Variants in FBLN5 observed in about 807,000 individuals in gnomAD.
The protein encoded by FBLN5 is fibulin 5, also known as fibulin-5.
Under a neutral mutation model 61.6 loss-of-function variants are expected in FBLN5, and 24 were observed. That is an observed-to-expected ratio of 0.39 (90% CI 0.28 to 0.55). FBLN5 has a LOEUF of 0.55. FBLN5 is among the 20% of genes least tolerant of loss of function. The pLI, the probability that FBLN5 is intolerant of heterozygous loss-of-function variation, is 0.65. For missense variants in FBLN5, 470 were observed against 594.1 expected, an observed-to-expected ratio of 0.79 and a Z score of 2.17; for synonymous variants, 213 against 219.8, an observed-to-expected ratio of 0.97 and a Z score of 0.27.
intron 4 of FBLN5, among the ~76,000 whole-genome samples, chr14:91,912,811 A>AAG (rs1321916803): frequency 7.9e-6 from 1 of 126,116 alleles, no homozygotes; most frequent in Non-Finnish European, 1.9e-5. Context: ...CTCTGACTCA[A>AAG]AAAAAAAAAA....
At chr14:91,902,648 T>C (rs749479430) in intron 4 of FBLN5, among the ~76,000 whole-genome samples, 14 of 152,126 alleles carry the variant, frequency 9.2e-5, no homozygotes, top group South Asian at 4.1e-4. Context: ...TTCTAATTCA[T>C]TGGGTTCTAC....
intron 8 of FBLN5, 73 bp from the exon 9 acceptor site, chr14:91,881,491 G>C (rs1889466896): frequency 2.6e-6 from 4 of 1,551,742 alleles, no homozygotes; most frequent in Admixed American, 3.3e-5. Flanking sequence ...GGTGGGGTAG[G>C]CTGGATCTTA....
At chr14:91,944,063 C>T (rs1181568572) in intron 1 of FBLN5, among the ~76,000 whole-genome samples, 2 of 152,140 alleles carry the variant, frequency 1.3e-5, no homozygotes, top group Non-Finnish European at 2.9e-5. Context: ...GGTGTGGTGG[C>T]TCATGCCTGT....
chr14:91,884,811 G>C (rs1249579631), intron 7 of FBLN5, among the ~76,000 whole-genome samples: 1 of 152,246 alleles, frequency 6.6e-6, no homozygotes, highest in Non-Finnish European at 1.5e-5. Flanking sequence ...CACTGGGCAG[G>C]GAGGGGCTGT....
intron 10 of FBLN5, chr14:91,873,504 TGGGTCTTGACTTGACTTGA>T (rs1889031722): frequency 6.6e-6 from 1 of 152,574 alleles, no homozygotes; most frequent in East Asian, 1.9e-4. Flanking sequence ...CACCATCCCA[TGGGTCTTGACTTGACTTGA>T]GAATCGCCAC....
chr14:91,942,779 GC>G, intron 2 of FBLN5, 127 bp downstream of exon 2: 1 of 693,080 alleles, frequency 1.4e-6, no homozygotes, highest in South Asian at 1.5e-5. Flanking sequence ...AGAATGAAGA[GC>G]TCAGATGAGG....
chr14:91,872,211 A>G (rs1176495407), intron 10 of FBLN5, among the ~76,000 whole-genome samples: 1 of 152,162 alleles, frequency 6.6e-6, no homozygotes, highest in African/African-American at 2.4e-5. Flanking sequence ...CTTGGGCAGA[A>G]CCAAGGGCTT....
At chr14:91,883,279 C>T (rs1016280409) in intron 7 of FBLN5, among the ~76,000 whole-genome samples, 2 of 152,232 alleles carry the variant, frequency 1.3e-5, no homozygotes, top group Admixed American at 6.5e-5. Flanking sequence ...TTGTACAGCT[C>T]TAATTGTCAG....
intron 10 of FBLN5, among the ~76,000 whole-genome samples, chr14:91,875,877 A>C (rs1160885683): frequency 6.6e-6 from 1 of 152,204 alleles, no homozygotes; most frequent in Non-Finnish European, 1.5e-5. Flanking sequence ...GAGACAATCC[A>C]ATAGAAATGG....
At chr14:91,877,364 C>A (rs1047189137) in intron 10 of FBLN5, 123 bp downstream of exon 10, 2 of 824,514 alleles carry the variant, frequency 2.4e-6, no homozygotes, top group African/African-American at 3.4e-5. Flanking sequence ...ACACCCTCCA[C>A]TCTTCTCTCT....
chr14:91,926,387 G>T (rs1421095727), intron 4 of FBLN5, among the ~76,000 whole-genome samples: 1 of 152,182 alleles, frequency 6.6e-6, no homozygotes, highest in Admixed American at 6.5e-5. Flanking sequence ...AGCCTGCCAG[G>T]CCTGGGCACC....
At chr14:91,929,113 A>C (rs143585832) in intron 4 of FBLN5, among the ~76,000 whole-genome samples, 2,316 of 136,812 alleles carry the variant, frequency 0.017, 59 homozygotes, top group South Asian at 0.088. Context: ...ACACACACAC[A>C]CCCCACACAC....
chr14:91,910,918 C>T (rs576319009), intron 4 of FBLN5, among the ~76,000 whole-genome samples: 2 of 152,208 alleles, frequency 1.3e-5, no homozygotes, highest in East Asian at 1.9e-4. Flanking sequence ...ACAACACAGG[C>T]AAGTGGGAAC....
chr14:91,879,092 CA>C (rs1195712282), intron 9 of FBLN5, among the ~76,000 whole-genome samples: 1 of 152,172 alleles, frequency 6.6e-6, no homozygotes, highest in Non-Finnish European at 1.5e-5. Context: ...AAGGCTGCAT[CA>C]AAATAGCCAA....
chr14:91,937,013 G>A lies in FBLN5; in HGVS notation c.313C>T (p.Pro105Ser). ...AAPPLSAPNY[P>S]TISRPLICRF... ...CATATAAGAGGCCTGGAGATCGTGG[G>A]ATAGTTTGGAGCTGAGAGTGGTGGG... is the stretch of plus-strand genomic sequence containing the variant. The change falls in exon 4 of 11, where the codon CCC becomes TCC. Residue 105 changes from proline (P) to serine (S), a missense_variant. Physicochemically the swap from Pro to Ser is moderately conservative, Grantham distance 74. Coordinates refer to ENST00000342058, the MANE Select transcript of FBLN5 (RefSeq NM_006329.4). The A allele has an allele frequency of 1.2e-6, 2 of 1,614,198 alleles. No homozygotes were observed. Among genetic ancestry groups the A allele is most frequent in the Non-Finnish European group, 1.7e-6 (2 of 1,180,036 alleles).
At chr14:91,872,204 G>A (rs1469006528) in intron 10 of FBLN5, among the ~76,000 whole-genome samples, 1 of 152,158 alleles carries the variant, frequency 6.6e-6, no homozygotes, top group African/African-American at 2.4e-5. Context: ...AGCTAGTCTT[G>A]GGCAGAACCA....
intron 4 of FBLN5, among the ~76,000 whole-genome samples, chr14:91,913,349 G>A (rs1005799363): frequency 1.3e-5 from 2 of 152,132 alleles, no homozygotes; most frequent in Non-Finnish European, 2.9e-5. Context: ...TGTATTAATA[G>A]AGCCTATTAC....
chr14:91,939,904 G>C (rs776209263), intron 3 of FBLN5: 1 of 453,378 alleles, frequency 2.2e-6, no homozygotes, highest in Non-Finnish European at 4.4e-6. Context: ...ATATTCACAG[G>C]AGTTCTTAAA....
At chr14:91,924,490 C>G (rs1170906858) in intron 4 of FBLN5, among the ~76,000 whole-genome samples, 1 of 151,070 alleles carries the variant, frequency 6.6e-6, no homozygotes. Flanking sequence ...GAGTTTGAGA[C>G]CAGCCTGGCC....
Sources: gnomAD v4.1 joint callset for allele counts (sites outside exome capture counted in the v4.1 genomes callset) on GRCh38, gnomAD v4.1.1 for gene constraint, MANE v1.5 for transcripts, NCBI Gene and HGNC (gene_info 2026-07-23, HGNC 2026-07-21) for gene names.